The following VTI1B variants were observed in gnomAD, a reference collection of about 807,000 sequenced individuals.
VTI1B encodes vesicle transport through interaction with t-SNAREs homolog 1B.
In VTI1B, 18 loss-of-function variants were observed where a neutral mutation model predicts 28.6. That is an observed-to-expected ratio of 0.63 (90% CI 0.43 to 0.93). The LOEUF is 0.93. Ranked by LOEUF, VTI1B falls within the 40% of genes least tolerant of loss-of-function variation. VTI1B has a pLI of 0.00. For synonymous variants in VTI1B, 100 were observed against 107.9 expected (o/e 0.93, Z 0.46); for missense variants, 283 against 297.0 (o/e 0.95, Z 0.35).
Position 67,654,856 on chromosome 14 carries a change from C to T in VTI1B, c.541-1358G>A, listed in dbSNP as rs148955988. On this transcript the variant is annotated intron_variant, in intron 4 of 5. Transcript: ENST00000554659. The stretch of plus-strand genomic sequence containing the variant: ...CATCCTTGCTAAAATGGTGAAACCC[C>T]GTCTCTACTAAAAATACGAAAAATT... Among the ~76,000 whole-genome samples the T allele has an allele frequency of 6.7e-4, 101 of 151,810 alleles. 2 individuals carry two copies. In the East Asian group the frequency reaches 0.014, roughly 22 times the overall value.
intron 2 of VTI1B, among the ~76,000 whole-genome samples, chr14:67,662,078 C>T (rs1334864863): frequency 1.3e-5 from 2 of 151,740 alleles, no homozygotes; most frequent in Non-Finnish European, 2.9e-5. Context: ...ATGGTGTGAA[C>T]CCGGGAGGTG....
intron 1 of VTI1B, among the ~76,000 whole-genome samples, chr14:67,671,082 T>A (rs1242559987): frequency 6.6e-6 from 1 of 152,242 alleles, no homozygotes; most frequent in Non-Finnish European, 1.5e-5. Flanking sequence ...TTTGCTTAGA[T>A]AAATTCAATT....
rs138076338 is a variant in VTI1B, at chr14:67,662,568, T to C, written c.116-33A>G. ...AGATAGATAAGTTTCAAATGCTTAT[T>C]ACTGTTTCCACACATTTGTAAAGGC... is the stretch of plus-strand genomic sequence containing the variant. On this transcript the variant is annotated intron_variant, in intron 1 of 5. Transcript: ENST00000554659. The C allele has an allele frequency of 1.5e-4, 239 of 1,572,642 alleles. No individual in the cohort carries two copies. In the East Asian group the frequency reaches 5.0e-3, roughly 33 times the overall value.
chr14:67,651,090 T>A lies in VTI1B; in HGVS notation c.*295A>T. 2 of 924,926 alleles carry A rather than the reference T, an allele frequency of 2.2e-6. No homozygotes were observed. The highest frequency in any genetic ancestry group is 3.2e-6 in the Non-Finnish European group (2 of 623,822). The allele number at this position is 924,926 out of a possible 1,614,324, so 57.3% of individuals were successfully genotyped here. On this transcript the variant is annotated 3_prime_UTR_variant, in exon 6 of 6. Coordinates refer to ENST00000554659, the MANE Select transcript of VTI1B (RefSeq NM_006370.3). The stretch of plus-strand genomic sequence containing the variant: ...TCTATTTTGGTGACCAATACTACTG[T>A]AAATGTATTTGGTTTTTTGCAGTTC...
In VTI1B at chr14:67,656,513, C is replaced by A; in HGVS notation, c.443G>T (p.Arg148Leu). ...SLNRATQSIE[R>L]SHRIATETDQ... is the part of the protein sequence containing the mutation. ...AGTCTCTGTGGCAATCCGATGAGAA[C>A]GTTCAATACTTTGGGTGGCCCGGTT... is the stretch of plus-strand genomic sequence containing the variant. The change falls in exon 4 of 6, where the codon CGT becomes CTT. Residue 148 changes from arginine (R) to leucine (L), a missense_variant. Transcript: ENST00000554659. 1 of 1,613,972 alleles carries A rather than the reference C, an allele frequency of 6.2e-7. No homozygotes were observed. The highest frequency in any genetic ancestry group is 8.5e-7 in the Non-Finnish European group (1 of 1,179,918).
chr14:67,669,598 A>G (rs1160134908), intron 1 of VTI1B, among the ~76,000 whole-genome samples: 2 of 152,112 alleles, frequency 1.3e-5, no homozygotes, highest in African/African-American at 4.8e-5. Context: ...CAGAAGAAGA[A>G]ACATTTTGTA....
At chr14:67,658,198 C>T (rs982058916) in intron 3 of VTI1B, among the ~76,000 whole-genome samples, 1 of 149,312 alleles carries the variant, frequency 6.7e-6, no homozygotes, top group African/African-American at 2.4e-5. Context: ...ACTGAGTAGG[C>T]TAAAAAATGA....
chr14:67,663,512 A>G (rs764132737), intron 1 of VTI1B, among the ~76,000 whole-genome samples: 1 of 151,886 alleles, frequency 6.6e-6, no homozygotes, highest in Non-Finnish European at 1.5e-5. Flanking sequence ...TCTCTACTAA[A>G]AAATACAAAA....
At chr14:67,661,739 G>A (rs1051990188) in intron 2 of VTI1B, among the ~76,000 whole-genome samples, 1 of 151,618 alleles carries the variant, frequency 6.6e-6, no homozygotes, top group Non-Finnish European at 1.5e-5. Context: ...TCCCTATGTC[G>A]CCCAGGCTGG....
At chr14:67,669,936 A>C (rs754798732) in intron 1 of VTI1B, among the ~76,000 whole-genome samples, 1 of 152,142 alleles carries the variant, frequency 6.6e-6, no homozygotes, top group African/African-American at 2.4e-5. Flanking sequence ...CTTACTAAAA[A>C]TACAAAAAAT....
At chr14:67,671,616 A>G (rs911936388) in intron 1 of VTI1B, among the ~76,000 whole-genome samples, 8 of 152,220 alleles carry the variant, frequency 5.3e-5, no homozygotes, top group Non-Finnish European at 8.8e-5. Flanking sequence ...CTGGGTAGAC[A>G]ACAAAGGTGA....
At position 67,659,708 on chromosome 14, in the gene VTI1B, CAAACA is replaced by C. The variant is rs745826119; in HGVS notation, c.366+18_366+22del. 20 of 1,552,556 alleles carry C rather than the reference CAAACA, an allele frequency of 1.3e-5. No homozygotes were observed. The highest frequency in any genetic ancestry group is 2.0e-5 in the Admixed American group (1 of 49,206). On this transcript the variant is annotated intron_variant, in intron 3 of 5. Transcript: ENST00000554659. The stretch of plus-strand genomic sequence containing the variant: ...ACAGGCCCTTAAAGGAAAAAAAAAA[CAAACA>C]AAACAGCTAAAACTTACCATATGCT...
chr14:67,651,534 C>G, intron 5 of VTI1B, 53 bp from the exon 6 acceptor site: 1 of 1,597,346 alleles, frequency 6.3e-7, no homozygotes. Context: ...AACCTTCCTT[C>G]TAAACATTTT....
chr14:67,654,439 T>G (rs1041076679), intron 4 of VTI1B, among the ~76,000 whole-genome samples: 1 of 152,138 alleles, frequency 6.6e-6, no homozygotes, highest in Non-Finnish European at 1.5e-5. Flanking sequence ...CCGGCCTCCT[T>G]GGCTTTTAAA....
chr14:67,662,890 A>C, intron 1 of VTI1B: 1 of 1,217,720 alleles, frequency 8.2e-7, no homozygotes, highest in Non-Finnish European at 1.0e-6. Context: ...GCAATAGAGC[A>C]AGACTCTGTC....
chr14:67,667,425 AAC>A (rs1259740278), intron 1 of VTI1B, among the ~76,000 whole-genome samples: 1 of 152,204 alleles, frequency 6.6e-6, no homozygotes, highest in East Asian at 1.9e-4. Context: ...AGTTAAAAGC[AAC>A]AGAGATCCCT....
rs749077701 is a variant in VTI1B, at chr14:67,648,092, C to T, written c.*3293G>A. On this transcript the variant is annotated 3_prime_UTR_variant, in exon 6 of 6. Transcript: ENST00000554659. ...TGAGTTTTGATATTGATGCATTTGA[C>T]CCTACACTGGCTCCAGCCACAGGAA... The T allele has an allele frequency of 2.4e-5, 39 of 1,613,836 alleles. No individual in the cohort carries two copies. The East Asian group carries it at 8.7e-4, about 36-fold the overall frequency.
rs778789921 is a variant in VTI1B, at chr14:67,648,051, C to T, written c.*3334G>A. On this transcript the variant is annotated 3_prime_UTR_variant, in exon 6 of 6. Transcript: ENST00000554659. ...TTTTATCCTCTTCCTTTTTAGGAGA[C>T]AAAGACCAATCCATTTGAGTTTTGA... 11 of 1,610,022 alleles carry T rather than the reference C, an allele frequency of 6.8e-6. No individual in the cohort carries two copies. The African/African-American group carries it at 1.2e-4, about 18-fold the overall frequency.
chr14:67,656,849 ATACT>A (rs1223556903), intron 3 of VTI1B, among the ~76,000 whole-genome samples: 4 of 152,210 alleles, frequency 2.6e-5, no homozygotes, highest in Non-Finnish European at 5.9e-5. Flanking sequence ...TGGATTAAAA[ATACT>A]GGAGCACTTT....
Sources: gnomAD v4.1 joint callset for allele counts (sites outside exome capture counted in the v4.1 genomes callset) on GRCh38, gnomAD v4.1.1 for gene constraint, MANE v1.5 for transcripts, NCBI Gene and HGNC (gene_info 2026-07-23, HGNC 2026-07-21) for gene names.